Variants in NHEJ1 observed in about 807,000 individuals in gnomAD.
The protein encoded by NHEJ1 is non-homologous end joining factor 1.
A neutral mutation model predicts 39.4 loss-of-function variants in NHEJ1; 22 were observed. The ratio of observed to expected loss-of-function variants is 0.56; its 90% CI spans 0.40 to 0.80. The LOEUF (loss-of-function observed/expected upper bound fraction) is 0.80. Ranked by LOEUF, NHEJ1 falls within the 30% of genes least tolerant of loss-of-function variation. NHEJ1 has a pLI of 0.00. For synonymous variants in NHEJ1, 154 were observed against 135.6 expected (o/e 1.14, Z -0.94); for missense variants, 329 against 357.1 (o/e 0.92, Z 0.63).
At chr2:219,105,253 T>A (rs1204956396) in intron 5 of NHEJ1, among the ~76,000 whole-genome samples, 2 of 152,218 alleles carry the variant, frequency 1.3e-5, no homozygotes, top group Non-Finnish European at 2.9e-5. Flanking sequence ...GTCTAAGGTT[T>A]GTGCAGAATC....
chr2:219,112,511 G>A (rs918220077), intron 5 of NHEJ1, among the ~76,000 whole-genome samples: 1 of 152,180 alleles, frequency 6.6e-6, no homozygotes, highest in Non-Finnish European at 1.5e-5. Context: ...GGGCTAGAAA[G>A]GAGAGCTTGA....
Position 219,132,340 on chromosome 2 carries a change from T to C in NHEJ1, c.588+14340A>G, listed in dbSNP as rs147827906. ...TACTCTGCTTAAGACTTGCATTTCC[T>C]ATGTACTCACTAAACTCAGCAATTT... On this transcript the variant is annotated intron_variant, in intron 5 of 7. Coordinates refer to ENST00000356853, the MANE Select transcript of NHEJ1 (RefSeq NM_024782.3). 5.9e-5 allele frequency among the ~76,000 whole-genome samples: 9 copies of C among 152,364 alleles called. No individual in the cohort carries two copies. In the East Asian group the frequency reaches 1.7e-3, roughly 29 times the overall value.
At chr2:219,080,691 TTA>T (rs10584277) in intron 5 of NHEJ1, among the ~76,000 whole-genome samples, 18,041 of 64,940 alleles carry the variant, frequency 0.28, 3,146 homozygotes, top group African/African-American at 0.38. Flanking sequence ...ATATATATGC[TTA>T]TATATATATA....
At chr2:219,155,793 T>C (rs936152247) in intron 3 of NHEJ1, among the ~76,000 whole-genome samples, 26 of 149,466 alleles carry the variant, frequency 1.7e-4, no homozygotes, top group African/African-American at 5.4e-4. Flanking sequence ...GGCGTGGTGG[T>C]GTGCGCCTGT....
intron 5 of NHEJ1, among the ~76,000 whole-genome samples, chr2:219,126,689 T>G (rs1949526521): frequency 6.6e-6 from 1 of 151,956 alleles, no homozygotes; most frequent in African/African-American, 2.4e-5. Context: ...CCAGTAATTA[T>G]AGTACAGTGT....
intron 5 of NHEJ1, among the ~76,000 whole-genome samples, chr2:219,086,672 G>A (rs1949114260): frequency 6.6e-6 from 1 of 152,002 alleles, no homozygotes; most frequent in South Asian, 2.1e-4. Context: ...GCCCCTCAGA[G>A]TCATAGCAGG....
chr2:219,121,522 G>A lies in NHEJ1; in HGVS notation c.588+25158C>T, dbSNP rs970139675. Among the ~76,000 whole-genome samples, 5 of 152,080 alleles carry A rather than the reference G, an allele frequency of 3.3e-5. No individual in the cohort carries two copies. In the East Asian group the frequency reaches 5.8e-4, roughly 18 times the overall value. On this transcript the variant is annotated intron_variant, in intron 5 of 7. Coordinates refer to ENST00000356853, the MANE Select transcript of NHEJ1 (RefSeq NM_024782.3). ...TTTTTCTATGGGCATTAAGGCCCCC[G>A]TGCATCTTTCACACGTGACATCAAA... is the stretch of plus-strand genomic sequence containing the variant.
chr2:219,073,317 T>C lies in NHEJ1; in HGVS notation c.*3064A>G, dbSNP rs751051616. 1.3e-5 allele frequency among the ~76,000 whole-genome samples: 2 copies of C among 152,178 alleles called. No individual in the cohort carries two copies. The highest frequency in any genetic ancestry group is 2.9e-5 in the Non-Finnish European group (2 of 68,028). On this transcript the variant is annotated 3_prime_UTR_variant, in exon 8 of 8. Coordinates refer to ENST00000356853, the MANE Select transcript of NHEJ1 (RefSeq NM_024782.3). Reference sequence around the variant, plus strand: ...TCCTGCCTTCTCAATAACTTTACTATCCCTTGGAAATCCTCCTTGATCTGG... The same window carrying C: ...TCCTGCCTTCTCAATAACTTTACTACCCCTTGGAAATCCTCCTTGATCTGG...
intron 5 of NHEJ1, among the ~76,000 whole-genome samples, chr2:219,099,599 A>C (rs1375815635): frequency 6.6e-6 from 1 of 152,196 alleles, no homozygotes; most frequent in Admixed American, 6.5e-5. Context: ...CAGATGCATC[A>C]GACTCAAAGC....
At position 219,150,735 on chromosome 2, in the gene NHEJ1, C is replaced by T. The variant is rs1318431262; in HGVS notation, c.391-2940G>A. 1.3e-5 allele frequency among the ~76,000 whole-genome samples: 2 copies of T among 152,236 alleles called. 1 individual carries two copies. Among genetic ancestry groups the T allele is most frequent in the South Asian group, 4.2e-4 (2 of 4,818 alleles). On this transcript the variant is annotated intron_variant, in intron 3 of 7. Transcript: ENST00000356853. Reference sequence around the variant, plus strand: ...CTGTGGGAGGCCGAGGCAAGTGGATCACCTGAGGTCAGGAGTTCAAGATCA... The same window carrying T: ...CTGTGGGAGGCCGAGGCAAGTGGATTACCTGAGGTCAGGAGTTCAAGATCA...
At chr2:219,101,522 C>T (rs1055413700) in intron 5 of NHEJ1, among the ~76,000 whole-genome samples, 2 of 152,008 alleles carry the variant, frequency 1.3e-5, no homozygotes, top group Non-Finnish European at 2.9e-5. Flanking sequence ...GCAATCCTCC[C>T]ATCTCAGCCT....
chr2:219,125,910 T>TC (rs1478927549), intron 5 of NHEJ1, among the ~76,000 whole-genome samples: 1 of 152,106 alleles, frequency 6.6e-6, no homozygotes, highest in Non-Finnish European at 1.5e-5. Flanking sequence ...CCAGCAAGTA[T>TC]CCCCCCAGTT....
At position 219,073,226 on chromosome 2, in the gene NHEJ1, C is replaced by T. The variant is rs544021278; in HGVS notation, c.*3155G>A. Among the ~76,000 whole-genome samples the T allele has an allele frequency of 4.6e-5, 7 of 152,288 alleles. No individual in the cohort carries two copies. The South Asian group carries it at 6.2e-4, about 14-fold the overall frequency. Reference sequence around the variant, plus strand: ...GCATAGAAGCACAGATCTCACTCTTCGCCACCTTACACCATAGGAATTCGC... The same window carrying T: ...GCATAGAAGCACAGATCTCACTCTTTGCCACCTTACACCATAGGAATTCGC... On this transcript the variant is annotated 3_prime_UTR_variant, in exon 8 of 8. Transcript: ENST00000356853.
chr2:219,089,168 A>G (rs2106326778), intron 5 of NHEJ1, among the ~76,000 whole-genome samples: 1 of 152,288 alleles, frequency 6.6e-6, no homozygotes, highest in Non-Finnish European at 1.5e-5. Context: ...CACTATGGAA[A>G]ACAGCGAGGT....
At chr2:219,128,425 G>A (rs1004027250) in intron 5 of NHEJ1, among the ~76,000 whole-genome samples, 1 of 152,132 alleles carries the variant, frequency 6.6e-6, no homozygotes, top group Non-Finnish European at 1.5e-5. Flanking sequence ...GAAGAGGATA[G>A]GTCTGGTGGT....
At chr2:219,136,712 C>G (rs1048222913) in intron 5 of NHEJ1, among the ~76,000 whole-genome samples, 1 of 152,104 alleles carries the variant, frequency 6.6e-6, no homozygotes, top group Non-Finnish European at 1.5e-5. Flanking sequence ...AAGCGATTCT[C>G]CTGCTTCAGC....
intron 5 of NHEJ1, among the ~76,000 whole-genome samples, chr2:219,126,250 T>G (rs998107165): frequency 6.6e-6 from 1 of 152,220 alleles, no homozygotes; most frequent in Non-Finnish European, 1.5e-5. Flanking sequence ...TAAGATAGCA[T>G]GGGATAATGG....
chr2:219,137,247 T>C (rs1353549904), intron 5 of NHEJ1, among the ~76,000 whole-genome samples: 1 of 152,120 alleles, frequency 6.6e-6, no homozygotes, highest in Non-Finnish European at 1.5e-5. Flanking sequence ...ACATTCATAT[T>C]TTCAGTAAGG....
At chr2:219,082,804 G>A (rs1304058687) in intron 5 of NHEJ1, among the ~76,000 whole-genome samples, 4 of 152,140 alleles carry the variant, frequency 2.6e-5, no homozygotes, top group Non-Finnish European at 4.4e-5. Flanking sequence ...TAAGAATTCC[G>A]CTCCTCCCTC....
Sources: allele counts gnomAD v4.1 joint callset (sites outside exome capture counted in the v4.1 genomes callset), GRCh38; gene constraint gnomAD v4.1.1; transcripts MANE v1.5; gene names NCBI Gene and HGNC (gene_info 2026-07-23, HGNC 2026-07-21).